The following CHLSN variants were observed in gnomAD, a reference collection of about 807,000 sequenced individuals.
CHLSN encodes protein cholesin.
At chr7:1,123,192 C>T in the CHLSN span, among the ~76,000 whole-genome samples, 1 of 152,214 alleles carries the variant, frequency 6.6e-6, no homozygotes, top group African/African-American at 2.4e-5. This position sits in a 1 kb window ranked among gnomAD's most constrained non-coding sequence, Gnocchi z 4.4. Flanking sequence ...CAGGAGGCTT[C>T]CCGGGCCAAG....
chr7:1,028,310 G>A, the CHLSN span: 2 of 1,042,706 alleles, frequency 1.9e-6, no homozygotes, highest in South Asian at 2.7e-5. Flanking sequence ...GGGCAGGGAT[G>A]CGCCCGCAGT....
the CHLSN span, among the ~76,000 whole-genome samples, chr7:1,047,079 T>C: frequency 2.6e-5 from 4 of 152,230 alleles, no homozygotes; most frequent in Admixed American, 2.0e-4. Context: ...TGTTTTTCCC[T>C]GGTCTGATGT....
At chr7:1,076,858 C>T in the CHLSN span, among the ~76,000 whole-genome samples, 1 of 152,380 alleles carries the variant, frequency 6.6e-6, no homozygotes, top group Admixed American at 6.5e-5. Context: ...ACTTCCTGCA[C>T]AGCCCACGCC....
chr7:1,106,245 A>G, the CHLSN span, among the ~76,000 whole-genome samples: 1 of 152,122 alleles, frequency 6.6e-6, no homozygotes, highest in South Asian at 2.1e-4. Context: ...TGCCACCACC[A>G]ACTTGCCCAA....
chr7:1,000,622 ATCG>A, the CHLSN span: 1 of 1,264,508 alleles, frequency 7.9e-7, no homozygotes, highest in Non-Finnish European at 1.1e-6. Context: ...GCCCTGAGAG[ATCG>A]GGGACGCCTC....
At chr7:997,605 C>A in the CHLSN span, 7 of 1,533,454 alleles carry the variant, frequency 4.6e-6, 1 homozygote, top group South Asian at 8.5e-5. Context: ...GGGCAGCGGC[C>A]CCGCCCCGCG....
chr7:1,059,745 G>A, the CHLSN span, among the ~76,000 whole-genome samples: 2 of 127,964 alleles, frequency 1.6e-5, no homozygotes, highest in Non-Finnish European at 3.3e-5. Context: ...GGGCGGGTCC[G>A]TAGTGAGGCA....
the CHLSN span, among the ~76,000 whole-genome samples, chr7:992,780 G>C: frequency 2.6e-5 from 4 of 152,122 alleles, no homozygotes; most frequent in Admixed American, 1.3e-4. Flanking sequence ...TGGAGGGCTG[G>C]GTGGGCTCAC....
At chr7:982,076 TTAAG>T in the CHLSN span, among the ~76,000 whole-genome samples, 360 of 152,246 alleles carry the variant, frequency 2.4e-3, 1 homozygote, top group African/African-American at 7.8e-3. Flanking sequence ...CCTGAATTAA[TTAAG>T]TAAGCTTTGC....
chr7:1,110,131 G>A, the CHLSN span, among the ~76,000 whole-genome samples: 1 of 152,170 alleles, frequency 6.6e-6, no homozygotes, highest in African/African-American at 2.4e-5. Context: ...ACCTCGCGCC[G>A]GCCGAGGCAG....
chr7:988,838 C>T, the CHLSN span: 3 of 1,486,322 alleles, frequency 2.0e-6, no homozygotes, highest in Non-Finnish European at 2.7e-6. Context: ...CCCCCAGCCC[C>T]CAGGTCCTCC....
At chr7:1,069,054 C>T in the CHLSN span, among the ~76,000 whole-genome samples, 14 of 152,282 alleles carry the variant, frequency 9.2e-5, no homozygotes, top group Middle Eastern at 3.4e-3. Flanking sequence ...ACGTTTAGGC[C>T]GGGCGCGGTG....
At chr7:1,134,857 A>G in the CHLSN span, among the ~76,000 whole-genome samples, 2 of 152,194 alleles carry the variant, frequency 1.3e-5, no homozygotes, top group East Asian at 3.9e-4. Flanking sequence ...AGCCTGGGCT[A>G]CAGAGTGAGA....
At chr7:1,019,906 C>T in the CHLSN span, among the ~76,000 whole-genome samples, 1 of 152,244 alleles carries the variant, frequency 6.6e-6, no homozygotes, top group Non-Finnish European at 1.5e-5. Context: ...AGGCACTGAC[C>T]GCGGCCCGGA....
the CHLSN span, among the ~76,000 whole-genome samples, chr7:1,004,516 CCT>C: frequency 2.6e-3 from 402 of 152,300 alleles, 3 homozygotes; most frequent in Middle Eastern, 0.01. Flanking sequence ...ACCAAGGGCG[CCT>C]CTCTCTCACC....
At chr7:1,136,611 TATAA>T in the CHLSN span, among the ~76,000 whole-genome samples, 2 of 144,350 alleles carry the variant, frequency 1.4e-5, no homozygotes, top group South Asian at 2.1e-4. Flanking sequence ...TATAAATATA[TATAA>T]ATATATAAAA....
the CHLSN span, among the ~76,000 whole-genome samples, chr7:1,016,201 GCACGCCAGCACACAGCAGCA>G: frequency 5.3e-3 from 179 of 33,892 alleles, 9 homozygotes; most frequent in East Asian, 0.033. Flanking sequence ...ACACAGCAGC[GCACGCCAGCACACAGCAGCA>G]CACGCCAGCA....
chr7:1,013,317 G>A, the CHLSN span, among the ~76,000 whole-genome samples: 2 of 152,244 alleles, frequency 1.3e-5, no homozygotes, highest in African/African-American at 2.4e-5. Context: ...ATCACATAGA[G>A]CTCCCAAAGT....
At chr7:979,435 C>A in the CHLSN span, among the ~76,000 whole-genome samples, 849 of 152,096 alleles carry the variant, frequency 5.6e-3, 8 homozygotes, top group African/African-American at 0.02. Flanking sequence ...GGGCTAGGAT[C>A]GTTGACCTTA....
Sources: gnomAD v4.1 joint callset for allele counts (sites outside exome capture counted in the v4.1 genomes callset) on GRCh38, gnomAD v4.1.1 for gene constraint, Gnocchi (gnomAD v3.1) non-coding constraint, MANE v1.5 for transcripts, NCBI Gene and HGNC (gene_info 2026-07-23, HGNC 2026-07-21) for gene names.